GABRG3: variants seen among roughly 807,000 people sequenced by gnomAD.
The protein encoded by GABRG3 is gamma-aminobutyric acid receptor subunit gamma-3.
GABRG3 carries 25 observed loss-of-function variants against 48.8 expected under a neutral mutation model. That is an observed-to-expected ratio of 0.51 (90% CI 0.37 to 0.72). GABRG3 has a LOEUF of 0.72. GABRG3 is among the 30% of genes least tolerant of loss of function. GABRG3 has a pLI of 0.00. For missense variants in GABRG3, 394 were observed against 577.9 expected (o/e 0.68, Z 3.26); for synonymous variants, 227 against 217.6 (o/e 1.04, Z -0.38).
At chr15:27,249,558 A>C (rs1890390090) in intron 3 of GABRG3, among the ~76,000 whole-genome samples, 1 of 152,174 alleles carries the variant, frequency 6.6e-6, no homozygotes, top group Non-Finnish European at 1.5e-5. Flanking sequence ...TGTGCTCACC[A>C]CTGGATGCAC....
intron 5 of GABRG3, chr15:27,428,234 T>A (rs1257746157): frequency 6.6e-6 from 1 of 151,944 alleles, no homozygotes; most frequent in Admixed American, 6.6e-5. Flanking sequence ...AAAATGTGAG[T>A]TTTAGGATGG....
chr15:27,127,247 T>C (rs1295999682), intron 3 of GABRG3, among the ~76,000 whole-genome samples: 1 of 152,040 alleles, frequency 6.6e-6, no homozygotes, highest in African/African-American at 2.4e-5. Flanking sequence ...ATGATAGATA[T>C]ATAGAATGGA....
chr15:27,420,590 AGTTT>A (rs1319738034), intron 5 of GABRG3: 2 of 152,196 alleles, frequency 1.3e-5, no homozygotes, highest in Non-Finnish European at 2.9e-5. Flanking sequence ...CATGTTAATT[AGTTT>A]GATTGTGGTG....
intron 5 of GABRG3, among the ~76,000 whole-genome samples, chr15:27,329,531 C>T (rs571923092): frequency 1.8e-3 from 277 of 152,316 alleles, no homozygotes; most frequent in Admixed American, 5.6e-3. Context: ...TCCCAAAGTG[C>T]TGGGATTACA....
At chr15:27,333,330 G>A (rs1431775211) in intron 5 of GABRG3, among the ~76,000 whole-genome samples, 1 of 152,170 alleles carries the variant, frequency 6.6e-6, no homozygotes, top group Non-Finnish European at 1.5e-5. Context: ...TGTGGGCAGG[G>A]CACCATTGCC....
At chr15:27,167,325 C>T (rs1052366276) in intron 3 of GABRG3, among the ~76,000 whole-genome samples, 5 of 152,192 alleles carry the variant, frequency 3.3e-5, no homozygotes, top group Non-Finnish European at 5.9e-5. Flanking sequence ...ATTGCTTTCT[C>T]TCCCTGGACT....
At chr15:27,479,966 C>G (rs1256630495) in intron 5 of GABRG3, among the ~76,000 whole-genome samples, 1 of 152,254 alleles carries the variant, frequency 6.6e-6, no homozygotes, top group Non-Finnish European at 1.5e-5. Flanking sequence ...ATAGCCAGCT[C>G]TGGCTCAGGG....
Position 27,444,888 on chromosome 15 carries a change from AT to A in GABRG3, c.575-35751del, listed in dbSNP as rs113857798. ...ATTGTTAAGAACATTCATGTTCAAGATTTTTTTTTTTGGGACAGAGTCACCC... is the reference window on the plus strand; with the variant it reads ...ATTGTTAAGAACATTCATGTTCAAGATTTTTTTTTTGGGACAGAGTCACCC... On this transcript the variant is annotated intron_variant, in intron 5 of 9. Transcript: ENST00000615808. 4.5e-3 allele frequency among the ~76,000 whole-genome samples: 662 copies of A among 148,016 alleles called. 4 individuals carry two copies. The highest frequency in any genetic ancestry group is 0.014 in the African/African-American group (582 of 40,612).
intron 2 of GABRG3, among the ~76,000 whole-genome samples, chr15:27,017,949 T>C (rs1338819395): frequency 6.6e-6 from 1 of 152,164 alleles, no homozygotes; most frequent in Admixed American, 6.5e-5. Flanking sequence ...CCCTCTTTAT[T>C]AAAGGCATAG....
At chr15:27,385,188 C>T (rs1230530018) in intron 5 of GABRG3, among the ~76,000 whole-genome samples, 1 of 74,450 alleles carries the variant, frequency 1.3e-5, no homozygotes, top group Non-Finnish European at 2.9e-5. Context: ...GCTTGCTTCT[C>T]ACATGCAGAC....
At chr15:27,314,894 G>T (rs547449279) in intron 3 of GABRG3, among the ~76,000 whole-genome samples, 1 of 152,220 alleles carries the variant, frequency 6.6e-6, no homozygotes, top group South Asian at 2.1e-4. Context: ...GTTGCCAGGG[G>T]CTGCAGGGAG....
chr15:27,082,178 G>T (rs1347726501), intron 3 of GABRG3, among the ~76,000 whole-genome samples: 1 of 152,330 alleles, frequency 6.6e-6, no homozygotes, highest in Non-Finnish European at 1.5e-5. Context: ...AGATGACGGA[G>T]AGAGTCCTGT....
At chr15:27,273,172 G>A (rs532462537) in intron 3 of GABRG3, among the ~76,000 whole-genome samples, 15 of 152,196 alleles carry the variant, frequency 9.9e-5, no homozygotes, top group Admixed American at 7.8e-4. Context: ...GAATTGTCTC[G>A]GGATTCTATC....
chr15:27,327,056 A>G (rs760558056), intron 4 of GABRG3, 27 bp downstream of exon 4: 2 of 1,571,420 alleles, frequency 1.3e-6, no homozygotes, highest in East Asian at 4.5e-5. Flanking sequence ...ATCTTTGATT[A>G]CTCCTGGTTT....
chr15:27,126,940 A>T (rs1025128154), intron 3 of GABRG3, among the ~76,000 whole-genome samples: 1 of 152,156 alleles, frequency 6.6e-6, no homozygotes, highest in Non-Finnish European at 1.5e-5. Context: ...CAGGGGCAAT[A>T]ACTTGGAAGG....
intron 6 of GABRG3, among the ~76,000 whole-genome samples, chr15:27,483,979 C>T (rs1459420382): frequency 2.6e-5 from 4 of 152,150 alleles, no homozygotes; most frequent in Non-Finnish European, 4.4e-5. Context: ...TTGCTACCCA[C>T]GCTGGAGTGC....
chr15:27,026,820 T>C lies in GABRG3; in HGVS notation c.269T>C (p.Met90Thr), dbSNP rs1342513348. 1.2e-6 allele frequency: 2 copies of C among 1,600,818 alleles called. No individual in the cohort carries two copies. Residue 90 changes from methionine (M) to threonine (T), a missense_variant and splice_region_variant, in exon 3 of 10, where the codon ATG becomes ACG. Around this residue, in one of 3 missense-constraint regions of GABRG3, gnomAD observed 218 missense variants for 309.9 expected, o/e 0.70. Coordinates refer to ENST00000615808, the MANE Select transcript of GABRG3 (RefSeq NM_033223.5). The part of the protein sequence containing the change: ...NSIGPVSSIN[M>T]EYQIDIFFAQ... Reference sequence around the variant, plus strand: ...ATTGGTCCTGTGTCATCAATAAACATGGTAAGAAGCTCCTTTATTTTCTGA... The same window carrying C: ...ATTGGTCCTGTGTCATCAATAAACACGGTAAGAAGCTCCTTTATTTTCTGA...
At chr15:27,001,810 TA>T (rs1446846025) in intron 2 of GABRG3, among the ~76,000 whole-genome samples, 2 of 151,708 alleles carry the variant, frequency 1.3e-5, no homozygotes, top group Non-Finnish European at 2.9e-5. Context: ...GAATCTGGAT[TA>T]ATCAATTGAC....
chr15:27,011,821 C>A (rs1220424937), intron 2 of GABRG3, among the ~76,000 whole-genome samples: 1 of 148,620 alleles, frequency 6.7e-6, no homozygotes, highest in African/African-American at 2.5e-5. Flanking sequence ...GTACTCCAGG[C>A]TGGGCGACAG....
Sources: gnomAD v4.1 joint callset for allele counts (sites outside exome capture counted in the v4.1 genomes callset) on GRCh38, gnomAD v4.1.1 for gene constraint, gnomAD v4.1.1 regional missense constraint, MANE v1.5 for transcripts, NCBI Gene and HGNC (gene_info 2026-07-23, HGNC 2026-07-21) for gene names.